Variants in SNAP91 observed in about 807,000 individuals in gnomAD.
The protein encoded by SNAP91 is clathrin coat assembly protein AP180.
A neutral mutation model predicts 100.3 loss-of-function variants in SNAP91; 27 were observed. The ratio of observed to expected loss-of-function variants is 0.27; its 90% CI spans 0.20 to 0.37. The LOEUF (loss-of-function observed/expected upper bound fraction) is 0.37, where lower values mean the gene tolerates loss of function less well. Among genes scored for constraint, SNAP91 ranks in the 10% least tolerant of loss-of-function variants. SNAP91 has a pLI of 1.00. For missense variants in SNAP91, 986 were observed against 1,123.7 expected (o/e 0.88, Z 1.75); for synonymous variants, 404 against 398.6 (o/e 1.01, Z -0.16).
chr6:83,654,594 C>T (rs2098337109), intron 7 of SNAP91, among the ~76,000 whole-genome samples: 1 of 152,210 alleles, frequency 6.6e-6, no homozygotes, highest in South Asian at 2.1e-4. Context: ...ACAAGACTAT[C>T]TGTGGTTATA....
intron 2 of SNAP91, among the ~76,000 whole-genome samples, chr6:83,701,061 G>T (rs1344445501): frequency 6.6e-6 from 1 of 152,144 alleles, no homozygotes; most frequent in African/African-American, 2.4e-5. Flanking sequence ...ATTTAAAGAG[G>T]GGTACAGTTG....
intron 8 of SNAP91, among the ~76,000 whole-genome samples, chr6:83,628,515 C>A (rs1353012964): frequency 6.6e-6 from 1 of 151,178 alleles, no homozygotes; most frequent in East Asian, 1.9e-4. Context: ...TCCATGCCAA[C>A]ATCTACTGTT....
chr6:83,633,472 G>A (rs1056179955), intron 8 of SNAP91, among the ~76,000 whole-genome samples: 1 of 152,138 alleles, frequency 6.6e-6, no homozygotes, highest in Admixed American at 6.6e-5. Flanking sequence ...TCAGTTACCA[G>A]GGTAGGTAGG....
chr6:83,631,317 G>T (rs1329818070), intron 8 of SNAP91, among the ~76,000 whole-genome samples: 1 of 152,182 alleles, frequency 6.6e-6, no homozygotes, highest in South Asian at 2.1e-4. Flanking sequence ...TATATTCTGT[G>T]GTTGATGGAT....
intron 23 of SNAP91, 66 bp downstream of exon 23, chr6:83,582,156 C>T (rs1829379151): frequency 6.4e-7 from 1 of 1,563,916 alleles, no homozygotes; most frequent in Non-Finnish European, 8.7e-7. Context: ...AGCATACTAA[C>T]CTTAGGTAGT....
intron 9 of SNAP91, 132 bp from the exon 10 acceptor site, chr6:83,617,171 G>C (rs2096532283): frequency 2.0e-6 from 1 of 511,690 alleles, no homozygotes; most frequent in African/African-American, 2.0e-5. Flanking sequence ...TTTAATTGCA[G>C]GTTCTTTTAG....
At chr6:83,587,748 A>C (rs559930486) in intron 22 of SNAP91, among the ~76,000 whole-genome samples, 1 of 152,306 alleles carries the variant, frequency 6.6e-6, no homozygotes, top group East Asian at 1.9e-4. Context: ...TGCGTTTATT[A>C]GCAGAATTTT....
chr6:83,667,314 G>T (rs1435781288), intron 2 of SNAP91, among the ~76,000 whole-genome samples: 2 of 151,938 alleles, frequency 1.3e-5, no homozygotes, highest in African/African-American at 2.4e-5. Flanking sequence ...TTCTGAAAAG[G>T]TTATTAAAAC....
At chr6:83,674,262 T>C (rs1439976913) in intron 2 of SNAP91, among the ~76,000 whole-genome samples, 1 of 151,976 alleles carries the variant, frequency 6.6e-6, no homozygotes, top group East Asian at 1.9e-4. Flanking sequence ...TGAAACCCTG[T>C]CTCTACTAAA....
chr6:83,582,202 T>C lies in SNAP91; in HGVS notation c.2149+20A>G, dbSNP rs754714655. On this transcript the variant is annotated intron_variant, in intron 23 of 29. Transcript: ENST00000369694. ...ATTACCAGGACACATGAAAAGAATG[T>C]TTGAAAGTCACTGCCTCACCTGATG... 6.2e-7 allele frequency: 1 copy of C among 1,611,900 alleles called. No homozygotes were observed. Among genetic ancestry groups the C allele is most frequent in the East Asian group, 2.2e-5 (1 of 44,844 alleles).
intron 2 of SNAP91, among the ~76,000 whole-genome samples, chr6:83,672,237 A>G (rs1309417495): frequency 2.0e-5 from 3 of 152,088 alleles, no homozygotes; most frequent in Non-Finnish European, 4.4e-5. Context: ...TCTCAAATAC[A>G]ATATTCTCCA....
chr6:83,565,062 A>G (rs1268000687), intron 26 of SNAP91, among the ~76,000 whole-genome samples: 3 of 151,118 alleles, frequency 2.0e-5, no homozygotes, highest in Non-Finnish European at 4.4e-5. Flanking sequence ...ACTCCATAAT[A>G]AAAAGACAAC....
chr6:83,560,108 G>A lies in SNAP91; in HGVS notation c.2627C>T (p.Thr876Met), dbSNP rs368296899. 43 of 1,612,548 alleles carry A rather than the reference G, an allele frequency of 2.7e-5. No individual in the cohort carries two copies. The highest frequency in any genetic ancestry group is 1.9e-4 in the South Asian group (17 of 91,058). Residue 876 changes from threonine to methionine, a missense_variant, in exon 28 of 30, where the codon ACG becomes ATG. Physicochemically the swap from Thr to Met is moderately conservative, Grantham distance 81. Transcript: ENST00000369694. ...PPFGAAAVPG[T>M]QLSPSPTPAS... ...GTGGACATTGAAGAAACTGACCTGCGTGCCAGGTACAGCGGCAGCTCCAAA... is the reference window on the plus strand; with the variant it reads ...GTGGACATTGAAGAAACTGACCTGCATGCCAGGTACAGCGGCAGCTCCAAA...
intron 2 of SNAP91, among the ~76,000 whole-genome samples, chr6:83,701,361 T>C (rs537146930): frequency 3.3e-5 from 5 of 151,892 alleles, no homozygotes; most frequent in Middle Eastern, 3.4e-3. Flanking sequence ...AATCAAATGG[T>C]GAGACCCAAA....
chr6:83,589,604 A>T (rs189859072), intron 22 of SNAP91, among the ~76,000 whole-genome samples: 8 of 152,282 alleles, frequency 5.3e-5, no homozygotes, highest in Non-Finnish European at 1.0e-4. Flanking sequence ...CACTGGTATG[A>T]GTGGTTTCAG....
intron 18 of SNAP91, 65 bp from the exon 19 acceptor site, chr6:83,593,324 C>T: frequency 6.5e-7 from 1 of 1,529,108 alleles, no homozygotes. Context: ...GCATCACTTC[C>T]CAGTCCTTAA....
At chr6:83,673,751 A>C (rs563676662) in intron 2 of SNAP91, among the ~76,000 whole-genome samples, 2 of 152,308 alleles carry the variant, frequency 1.3e-5, no homozygotes, top group South Asian at 4.1e-4. Context: ...TGCCAGCAGA[A>C]TCCTGCCCCC....
At chr6:83,678,961 T>C (rs1001562030) in intron 2 of SNAP91, 77 of 805,694 alleles carry the variant, frequency 9.6e-5, no homozygotes, top group Non-Finnish European at 1.2e-4. Context: ...AAAAAAAAAA[T>C]ACAGCTGGCC....
intron 13 of SNAP91, among the ~76,000 whole-genome samples, chr6:83,607,329 TTGTGTG>T (rs61335064): frequency 3.2e-4 from 47 of 144,888 alleles, no homozygotes; most frequent in Middle Eastern, 3.5e-3. Flanking sequence ...CCAAGTTGGG[TTGTGTG>T]TGTGTGTGTG....
Sources: allele counts gnomAD v4.1 joint callset (sites outside exome capture counted in the v4.1 genomes callset), GRCh38; gene constraint gnomAD v4.1.1; transcripts MANE v1.5; gene names NCBI Gene and HGNC (gene_info 2026-07-23, HGNC 2026-07-21).